SGCD: variants seen among roughly 807,000 people sequenced by gnomAD.
SGCD encodes the protein sarcoglycan delta.
A neutral mutation model predicts 36.6 loss-of-function variants in SGCD; 18 were observed. That is an observed-to-expected ratio of 0.49 (90% CI 0.34 to 0.73). The LOEUF is 0.73. Ranked by LOEUF, SGCD falls within the 30% of genes least tolerant of loss-of-function variation. The pLI, the probability that SGCD is intolerant of heterozygous loss-of-function variation, is 0.01. For synonymous variants in SGCD, 133 were observed against 130.6 expected (o/e 1.02, Z -0.12); for missense variants, 387 against 346.7 (o/e 1.12, Z -0.92).
intron 1 of SGCD, among the ~76,000 whole-genome samples, chr5:156,031,057 G>C (rs1384122784): frequency 6.6e-6 from 1 of 152,136 alleles, no homozygotes; most frequent in Middle Eastern, 3.2e-3. Context: ...ACAAGTGGGG[G>C]ATATGCAGTG....
chr5:156,416,161 A>G (rs1007090572), intron 3 of SGCD, among the ~76,000 whole-genome samples: 2 of 152,224 alleles, frequency 1.3e-5, no homozygotes, highest in African/African-American at 4.8e-5. Context: ...TGTAGTATAT[A>G]TGTTCTATGG....
At chr5:155,938,438 CAT>C (rs904302976) in intron 1 of SGCD, among the ~76,000 whole-genome samples, 15 of 152,322 alleles carry the variant, frequency 9.8e-5, no homozygotes, top group Admixed American at 3.9e-4. Context: ...AGTAAACAAA[CAT>C]GTGGCTGTTT....
intron 1 of SGCD, among the ~76,000 whole-genome samples, chr5:156,000,917 C>A (rs1176833061): frequency 6.6e-6 from 1 of 152,078 alleles, no homozygotes; most frequent in African/African-American, 2.4e-5. Flanking sequence ...GCTGCTGATC[C>A]AGGGACCACA....
chr5:155,828,833 T>C, the SGCD span, among the ~76,000 whole-genome samples: 4 of 151,970 alleles, frequency 2.6e-5, no homozygotes, highest in Non-Finnish European at 4.4e-5. Context: ...ATGACAGGCA[T>C]GTGCCACCAT....
At chr5:156,349,056 T>A (rs10056289) in intron 3 of SGCD, among the ~76,000 whole-genome samples, 23,171 of 152,038 alleles carry the variant, frequency 0.15, 2,512 homozygotes, top group African/African-American at 0.31. Flanking sequence ...CGAAGAATAA[T>A]GAAACTGGAT....
chr5:156,686,438 T>A (rs561108925), intron 7 of SGCD, among the ~76,000 whole-genome samples: 1 of 152,272 alleles, frequency 6.6e-6, no homozygotes, highest in African/African-American at 2.4e-5. Flanking sequence ...CCAGCCCTGG[T>A]AGAAGCCAAG....
intron 1 of SGCD, among the ~76,000 whole-genome samples, chr5:155,939,129 T>C (rs1039096594): frequency 2.0e-5 from 3 of 152,220 alleles, no homozygotes; most frequent in Non-Finnish European, 2.9e-5. Context: ...AAGAGATTTA[T>C]GCATCTATAA....
At chr5:155,748,390 C>G in the SGCD span, among the ~76,000 whole-genome samples, 2 of 152,074 alleles carry the variant, frequency 1.3e-5, no homozygotes, top group Admixed American at 1.3e-4. Context: ...CTTGTACTCT[C>G]CTTCAGTGAT....
intron 7 of SGCD, among the ~76,000 whole-genome samples, chr5:156,741,568 G>T (rs1011336873): frequency 4.7e-5 from 7 of 149,652 alleles, no homozygotes; most frequent in Non-Finnish European, 7.4e-5. Flanking sequence ...AAACCTGGGA[G>T]AGATGACCAA....
chr5:156,524,274 G>C (rs1315834931), intron 4 of SGCD, among the ~76,000 whole-genome samples: 1 of 112,898 alleles, frequency 8.9e-6, no homozygotes, highest in African/African-American at 3.5e-5. Flanking sequence ...TTTATATATA[G>C]TAATATATAT....
At chr5:156,042,098 T>C (rs1561693232) in intron 1 of SGCD, among the ~76,000 whole-genome samples, 1 of 152,164 alleles carries the variant, frequency 6.6e-6, no homozygotes, top group Non-Finnish European at 1.5e-5. Flanking sequence ...GTTCCGTTCT[T>C]GTCTAAAACT....
chr5:156,034,085 C>A (rs972715709), intron 1 of SGCD, among the ~76,000 whole-genome samples: 1 of 152,190 alleles, frequency 6.6e-6, no homozygotes, highest in Non-Finnish European at 1.5e-5. Context: ...AATAGTCCCT[C>A]TCTCCTACCC....
At chr5:156,190,667 A>G (rs1763868239) in intron 3 of SGCD, among the ~76,000 whole-genome samples, 2 of 152,130 alleles carry the variant, frequency 1.3e-5, no homozygotes, top group Admixed American at 1.3e-4. Context: ...AAAAAATAAT[A>G]ATCGTAATTA....
intron 2 of SGCD, among the ~76,000 whole-genome samples, chr5:156,343,587 A>G (rs1044618612): frequency 4.6e-5 from 7 of 152,296 alleles, no homozygotes; most frequent in South Asian, 4.1e-4. Flanking sequence ...GTTTACCTAC[A>G]TTTGTGTTGA....
rs540159011 is a variant in SGCD at position 155,991,899 on chromosome 5, G to A, written c.-282+121475G>A. 2.0e-5 allele frequency among the ~76,000 whole-genome samples: 3 copies of A among 152,240 alleles called. No individual in the cohort carries two copies. The South Asian group carries it at 6.2e-4, about 32-fold the overall frequency. On this transcript the variant is annotated intron_variant, in intron 1 of 9. Transcript: ENST00000517913. ...ATTGTATTTCAAACTTGCCAAAGGCGATATTTTTTGATAGCACTGGGGGAT... is the reference window on the plus strand; with the variant it reads ...ATTGTATTTCAAACTTGCCAAAGGCAATATTTTTTGATAGCACTGGGGGAT...
intron 4 of SGCD, among the ~76,000 whole-genome samples, chr5:156,517,300 T>C (rs1757217769): frequency 1.3e-5 from 2 of 151,968 alleles, no homozygotes; most frequent in Admixed American, 6.6e-5. Flanking sequence ...GAAAAAAGAA[T>C]GAAATGGAAT....
At position 156,701,439 on chromosome 5, in the gene SGCD, T is replaced by C. The variant is rs1173125879; in HGVS notation, c.575+53903T>C. Among the ~76,000 whole-genome samples the C allele has an allele frequency of 2.0e-5, 3 of 152,230 alleles. No homozygotes were observed. In the East Asian group the frequency reaches 5.8e-4, roughly 29 times the overall value. Reference sequence around the variant, plus strand: ...GTTCAAGCTGTCATTATCTCTTGCCTGGATTATTGTATTGTAAATCATCTT... The same window carrying C: ...GTTCAAGCTGTCATTATCTCTTGCCCGGATTATTGTATTGTAAATCATCTT... On this transcript the variant is annotated intron_variant, in intron 7 of 8. Coordinates refer to ENST00000337851, the MANE Select transcript of SGCD (RefSeq NM_000337.6).
chr5:156,046,433 T>C (rs1036620087), intron 1 of SGCD, among the ~76,000 whole-genome samples: 2 of 152,172 alleles, frequency 1.3e-5, no homozygotes, highest in African/African-American at 4.8e-5. Context: ...CATTGAAGGT[T>C]TGTAGCAATT....
At chr5:156,242,704 A>T (rs752122848) in intron 3 of SGCD, among the ~76,000 whole-genome samples, 39 of 152,358 alleles carry the variant, frequency 2.6e-4, no homozygotes, top group Non-Finnish European at 4.3e-4. Flanking sequence ...GCTAACCAAC[A>T]TCAAGAGGGC....
Sources: allele counts gnomAD v4.1 joint callset (sites outside exome capture counted in the v4.1 genomes callset), GRCh38; gene constraint gnomAD v4.1.1; transcripts MANE v1.5; gene names NCBI Gene and HGNC (gene_info 2026-07-23, HGNC 2026-07-21).